Variants in BRIP1 observed in about 807,000 individuals in gnomAD.
The protein encoded by BRIP1 is BRCA1 interacting DNA helicase 1.
A neutral mutation model predicts 119.7 loss-of-function variants in BRIP1; 88 were observed. The ratio of observed to expected loss-of-function variants is 0.74; its 90% CI spans 0.62 to 0.88. BRIP1 has a LOEUF of 0.88. Among genes scored for constraint, BRIP1 ranks in the 40% least tolerant of loss-of-function variants. The pLI is 0.00. For missense variants in BRIP1, 1,259 were observed against 1,455.4 expected (o/e 0.87, Z 2.20); for synonymous variants, 443 against 496.5 (o/e 0.89, Z 1.43).
At chr17:61,763,825 T>G (rs2077312979) in intron 14 of BRIP1, among the ~76,000 whole-genome samples, 1 of 152,084 alleles carries the variant, frequency 6.6e-6, no homozygotes, top group South Asian at 2.1e-4. Context: ...GTTAAAATCG[T>G]AGCTAGAAGT....
chr17:61,689,431 T>C lies in BRIP1; in HGVS notation c.2576-3266A>G, dbSNP rs993208050. On this transcript the variant is annotated intron_variant, in intron 18 of 19. Coordinates refer to ENST00000259008, the MANE Select transcript of BRIP1 (RefSeq NM_032043.3). The surrounding 1 kb of genome is among the most constrained non-coding windows in gnomAD (Gnocchi z 4.5). ...ATGGCTTCATTTATGACTTGACTTA[T>C]GGGGCACCGTCAAGCTGACCAATAT... is the stretch of plus-strand genomic sequence containing the variant. 1.3e-5 allele frequency among the ~76,000 whole-genome samples: 2 copies of C among 152,092 alleles called. No individual in the cohort carries two copies. Among genetic ancestry groups the C allele is most frequent in the Admixed American group, 6.5e-5 (1 of 15,280 alleles).
intron 4 of BRIP1, among the ~76,000 whole-genome samples, chr17:61,850,881 A>G (rs984670212): frequency 2.2e-4 from 33 of 152,098 alleles, no homozygotes; most frequent in African/African-American, 8.0e-4. Flanking sequence ...AACCTATGCC[A>G]CATAGCACTG....
At position 61,798,630 on chromosome 17, in the gene BRIP1, TAAA is replaced by T. The variant is rs983548072; in HGVS notation, c.1340+467_1340+469del. On this transcript the variant is annotated intron_variant, in intron 9 of 19. Coordinates refer to ENST00000259008, the MANE Select transcript of BRIP1 (RefSeq NM_032043.3). This position sits in a 1 kb window ranked among gnomAD's most constrained non-coding sequence, Gnocchi z 5.5. ...TCTAGATCAACAACTTAATGTCTAA[TAAA>T]AGAAAAATTAGTGTAAATTGTCATA... Among the ~76,000 whole-genome samples, 1 of 151,966 alleles carries T rather than the reference TAAA, an allele frequency of 6.6e-6. No homozygotes were observed. Among genetic ancestry groups the T allele is most frequent in the Non-Finnish European group, 1.5e-5 (1 of 67,902 alleles).
In BRIP1 at chr17:61,751,625, G is replaced by T. The variant is rs937993131; in HGVS notation, c.2098-7034C>A. Among the ~76,000 whole-genome samples the T allele has an allele frequency of 6.6e-6, 1 of 152,070 alleles. No homozygotes were observed. Among genetic ancestry groups the T allele is most frequent in the Non-Finnish European group, 1.5e-5 (1 of 68,000 alleles). On this transcript the variant is annotated intron_variant, in intron 14 of 19. Coordinates refer to ENST00000259008, the MANE Select transcript of BRIP1 (RefSeq NM_032043.3). This position sits in a 1 kb window ranked among gnomAD's most constrained non-coding sequence, Gnocchi z 6.7. Reference sequence around the variant, plus strand: ...AACTTCTAGATGTTGAGTAAAAAATGCAAATACAGATAGATAACAAATATG... The same window carrying T: ...AACTTCTAGATGTTGAGTAAAAAATTCAAATACAGATAGATAACAAATATG...
Position 61,709,625 on chromosome 17 carries a change from T to A in BRIP1, c.2492+6326A>T, listed in dbSNP as rs2061742496. On this transcript the variant is annotated intron_variant, in intron 17 of 19. Transcript: ENST00000259008. This position sits in a 1 kb window ranked among gnomAD's most constrained non-coding sequence, Gnocchi z 5.0. Reference sequence around the variant, plus strand: ...CATTCTATGGTATGGTAGAAAGGTATTTCTGTTAATGAAACAATTCAAAGA... The same window carrying A: ...CATTCTATGGTATGGTAGAAAGGTAATTCTGTTAATGAAACAATTCAAAGA... Among the ~76,000 whole-genome samples, 1 of 152,194 alleles carries A rather than the reference T, an allele frequency of 6.6e-6. No homozygotes were observed. Among genetic ancestry groups the A allele is most frequent in the African/African-American group, 2.4e-5 (1 of 41,444 alleles).
chr17:61,704,767 A>T lies in BRIP1; in HGVS notation c.2492+11184T>A, dbSNP rs1035719470. 6.6e-6 allele frequency among the ~76,000 whole-genome samples: 1 copy of T among 151,978 alleles called. No individual in the cohort carries two copies. The highest frequency in any genetic ancestry group is 1.5e-5 in the Non-Finnish European group (1 of 67,972). ...GTATATGTATAGAGTTTTTCGTAGT[A>T]TTCTCATATTATTCTTTTAATGCCT... is the stretch of plus-strand genomic sequence containing the variant. On this transcript the variant is annotated intron_variant, in intron 17 of 19. Coordinates refer to ENST00000259008, the MANE Select transcript of BRIP1 (RefSeq NM_032043.3). This position sits in a 1 kb window ranked among gnomAD's most constrained non-coding sequence, Gnocchi z 5.7.
At position 61,789,207 on chromosome 17, in the gene BRIP1, CA is replaced by C. The variant is rs2077778635; in HGVS notation, c.1473+4389del. Among the ~76,000 whole-genome samples, 1 of 151,670 alleles carries C rather than the reference CA, an allele frequency of 6.6e-6. No individual in the cohort carries two copies. On this transcript the variant is annotated intron_variant, in intron 10 of 19. Coordinates refer to ENST00000259008, the MANE Select transcript of BRIP1 (RefSeq NM_032043.3). The surrounding 1 kb of genome is among the most constrained non-coding windows in gnomAD (Gnocchi z 4.8). ...CCTTAAGACCAGAAATCCAAGGTTA[CA>C]GTGAGCTATGAATGCACCATTGCAC...
rs878855159 is a variant in BRIP1 at position 61,808,494 on chromosome 17, C to CA, written c.890_891insT (p.Lys297AsnfsTer22). ...TTTTCCCATCTAGCAATTCCATGCA[C>CA]TTCTCATTTCTGTTGAAGTTACCGA... On this transcript the variant is annotated frameshift_variant, in exon 7 of 20. Coordinates refer to ENST00000259008, the MANE Select transcript of BRIP1 (RefSeq NM_032043.3). LOFTEE classifies it high-confidence loss of function. The surrounding 1 kb of genome is among the most constrained non-coding windows in gnomAD (Gnocchi z 4.1). The CA allele has an allele frequency of 1.9e-6, 3 of 1,613,720 alleles. No individual in the cohort carries two copies. Among genetic ancestry groups the CA allele is most frequent in the Non-Finnish European group, 2.5e-6 (3 of 1,179,668 alleles).
rs993570477 is a variant in BRIP1, at chr17:61,689,146, C to T, written c.2576-2981G>A. ...GAAACCTCCGCCTCCCTGATTCAAGCGATTCTCCTGCCTCGGCCTCTCAAG... is the reference window on the plus strand; with the variant it reads ...GAAACCTCCGCCTCCCTGATTCAAGTGATTCTCCTGCCTCGGCCTCTCAAG... On this transcript the variant is annotated intron_variant, in intron 18 of 19. Coordinates refer to ENST00000259008, the MANE Select transcript of BRIP1 (RefSeq NM_032043.3). The surrounding 1 kb of genome is among the most constrained non-coding windows in gnomAD (Gnocchi z 4.5). 2.6e-5 allele frequency among the ~76,000 whole-genome samples: 4 copies of T among 151,028 alleles called. No individual in the cohort carries two copies. Among genetic ancestry groups the T allele is most frequent in the South Asian group, 4.2e-4 (2 of 4,774 alleles).
In BRIP1 at chr17:61,734,339, C is replaced by A. The variant is rs1338229119; in HGVS notation, c.2379+8674G>T. On this transcript the variant is annotated intron_variant, in intron 16 of 19. Transcript: ENST00000259008. This position sits in a 1 kb window ranked among gnomAD's most constrained non-coding sequence, Gnocchi z 5.2. ...CCATCGACATCTAGTCATATAAAAG[C>A]CTTGGTTCATTCTCATGCCCCTCAA... Among the ~76,000 whole-genome samples the A allele has an allele frequency of 6.6e-6, 1 of 152,144 alleles. No individual in the cohort carries two copies. Among genetic ancestry groups the A allele is most frequent in the Non-Finnish European group, 1.5e-5 (1 of 68,004 alleles).
At chr17:61,718,498 T>C (rs760820031) in intron 16 of BRIP1, among the ~76,000 whole-genome samples, 14 of 152,200 alleles carry the variant, frequency 9.2e-5, no homozygotes, top group African/African-American at 3.1e-4. Context: ...CTTCCTCTCA[T>C]GTATATGCCA....
At position 61,704,103 on chromosome 17, in the gene BRIP1, G is replaced by C. The variant is rs1291507663; in HGVS notation, c.2493-10591C>G. Among the ~76,000 whole-genome samples the C allele has an allele frequency of 1.3e-5, 2 of 152,140 alleles. No homozygotes were observed. The highest frequency in any genetic ancestry group is 2.9e-5 in the Non-Finnish European group (2 of 68,012). On this transcript the variant is annotated intron_variant, in intron 17 of 19. Coordinates refer to ENST00000259008, the MANE Select transcript of BRIP1 (RefSeq NM_032043.3). This position sits in a 1 kb window ranked among gnomAD's most constrained non-coding sequence, Gnocchi z 5.7. The stretch of plus-strand genomic sequence containing the variant: ...AGTTTCATTCTTTTGCATACAGCAA[G>C]CCAGTTACTCCAGCACCATTTATTG...
In BRIP1 at chr17:61,735,859, A is replaced by T. The variant is rs2076911362; in HGVS notation, c.2379+7154T>A. 6.6e-6 allele frequency among the ~76,000 whole-genome samples: 1 copy of T among 152,146 alleles called. No homozygotes were observed. The highest frequency in any genetic ancestry group is 2.4e-5 in the African/African-American group (1 of 41,414). On this transcript the variant is annotated intron_variant, in intron 16 of 19. Transcript: ENST00000259008. The surrounding 1 kb of genome is among the most constrained non-coding windows in gnomAD (Gnocchi z 4.4). Reference sequence around the variant, plus strand: ...GATTAGGAAGAACCTCAGTCCTACAACCACAAACGGACCCCAAGTGCCAGA... The same window carrying T: ...GATTAGGAAGAACCTCAGTCCTACATCCACAAACGGACCCCAAGTGCCAGA...
In BRIP1 at chr17:61,776,514, C is replaced by G. The variant is rs571340013; in HGVS notation, c.1984G>C (p.Ala662Pro). Residue 662 changes from alanine (A) to proline (P), a missense_variant, in exon 14 of 20, where the codon GCT (alanine) becomes CCT (proline). Transcript: ENST00000259008. This position sits in a 1 kb window ranked among gnomAD's most constrained non-coding sequence, Gnocchi z 5.0. ...GSGPKGRNLCATFQNTETFEF... is the reference protein window; with the variant it reads ...GSGPKGRNLCPTFQNTETFEF... Reference sequence around the variant, plus strand: ...AATGTTTCAGTATTCTGGAAGGTAGCACAGAGATTCCGACCCTTGGGGCCT... The same window carrying G: ...AATGTTTCAGTATTCTGGAAGGTAGGACAGAGATTCCGACCCTTGGGGCCT... 1 of 1,614,030 alleles carries G rather than the reference C, an allele frequency of 6.2e-7. No individual in the cohort carries two copies. The highest frequency in any genetic ancestry group is 1.3e-5 in the African/African-American group (1 of 74,922).
At position 61,776,738 on chromosome 17, in the gene BRIP1, T is replaced by C. The variant is rs111883730; in HGVS notation, c.1936-176A>G. ...TGTATACAGATTTAATTTATAAATGTTTTGCTTTAGGCAGATCACTAAATT... is the reference window on the plus strand; with the variant it reads ...TGTATACAGATTTAATTTATAAATGCTTTGCTTTAGGCAGATCACTAAATT... On this transcript the variant is annotated intron_variant, in intron 13 of 19. Transcript: ENST00000259008. The surrounding 1 kb of genome is among the most constrained non-coding windows in gnomAD (Gnocchi z 5.0). Among the ~76,000 whole-genome samples the C allele has an allele frequency of 1.1e-4, 16 of 152,340 alleles. No homozygotes were observed. Among genetic ancestry groups the C allele is most frequent in the African/African-American group, 3.8e-4 (16 of 41,570 alleles).
chr17:61,760,543 G>A lies in BRIP1; in HGVS notation c.2097+15858C>T, dbSNP rs1382532718. Among the ~76,000 whole-genome samples, 1 of 151,634 alleles carries A rather than the reference G, an allele frequency of 6.6e-6. No individual in the cohort carries two copies. ...AATGAAATCAACAAACCTTTAGCTA[G>A]ATTAACAAGAAAAAAAGAGAATATT... On this transcript the variant is annotated intron_variant, in intron 14 of 19. Transcript: ENST00000259008. The surrounding 1 kb of genome is among the most constrained non-coding windows in gnomAD (Gnocchi z 4.6).
rs961402090 is a variant in BRIP1 at position 61,767,467 on chromosome 17, GTC to G, written c.2097+8932_2097+8933del. On this transcript the variant is annotated intron_variant, in intron 14 of 19. Coordinates refer to ENST00000259008, the MANE Select transcript of BRIP1 (RefSeq NM_032043.3). This position sits in a 1 kb window ranked among gnomAD's most constrained non-coding sequence, Gnocchi z 5.7. ...TTTGTTTTGTTTTTTTAAACACTGG[GTC>G]TCTCTATGTTACCCAGGCTGGTCTT... 2.6e-5 allele frequency among the ~76,000 whole-genome samples: 4 copies of G among 151,890 alleles called. No individual in the cohort carries two copies. The highest frequency in any genetic ancestry group is 2.6e-4 in the Admixed American group (4 of 15,242).
chr17:61,688,516 G>T (rs915020872), intron 18 of BRIP1, among the ~76,000 whole-genome samples: 1 of 151,966 alleles, frequency 6.6e-6, no homozygotes, highest in African/African-American at 2.4e-5. Context: ...TTCTAATAAG[G>T]AATTTACAGA....
rs555145258 is a variant in BRIP1, at chr17:61,846,710, A to G, written c.627+391T>C. 1.3e-5 allele frequency among the ~76,000 whole-genome samples: 2 copies of G among 152,272 alleles called. No individual in the cohort carries two copies. The highest frequency in any genetic ancestry group is 1.9e-4 in the East Asian group (1 of 5,174). ...CCTACAACATCTTAATATTATTACA[A>G]AAATAATTTTCACCTCACAGATCAC... On this transcript the variant is annotated intron_variant, in intron 6 of 19. Coordinates refer to ENST00000259008, the MANE Select transcript of BRIP1 (RefSeq NM_032043.3). This position sits in a 1 kb window ranked among gnomAD's most constrained non-coding sequence, Gnocchi z 4.3.
Sources: gnomAD v4.1 joint callset for allele counts (sites outside exome capture counted in the v4.1 genomes callset) on GRCh38, gnomAD v4.1.1 for gene constraint, Gnocchi (gnomAD v3.1) non-coding constraint, MANE v1.5 for transcripts, NCBI Gene and HGNC (gene_info 2026-07-23, HGNC 2026-07-21) for gene names.